ENDOD1: variants seen among roughly 807,000 people sequenced by gnomAD.
ENDOD1 encodes endonuclease domain-containing 1 protein.
In ENDOD1, 9 loss-of-function variants were observed where a neutral mutation model predicts 6.5. The ratio of observed to expected loss-of-function variants is 1.39; its 90% CI spans 0.84 to 2.43. The LOEUF (loss-of-function observed/expected upper bound fraction) is 2.43. Ranked by LOEUF, ENDOD1 falls within the 30% of genes most tolerant of loss-of-function variation. ENDOD1 has a pLI of 0.00. For synonymous variants in ENDOD1, 255 were observed against 255.2 expected, an observed-to-expected ratio of 1.00 and a Z score of 0.01; for missense variants, 648 against 635.5, an observed-to-expected ratio of 1.02 and a Z score of -0.21.
chr11:95,097,123 C>T (rs2134161912), intron 1 of ENDOD1, among the ~76,000 whole-genome samples: 1 of 141,108 alleles, frequency 7.1e-6, no homozygotes, highest in Non-Finnish European at 1.5e-5. Flanking sequence ...CCACTGCACT[C>T]CAGTCTGGGG....
rs1859364105 is a variant in ENDOD1 at position 95,130,863 on chromosome 11, C to T, written c.*1284C>T. The T allele has an allele frequency of 1.3e-5, 2 of 152,208 alleles. No homozygotes were observed. Among genetic ancestry groups the T allele is most frequent in the Non-Finnish European group, 2.9e-5 (2 of 68,028 alleles). 9.4% of individuals were successfully genotyped at this position (152,208 alleles called of 1,614,324 possible). ...AAAAATGGTAACAAGAGGGACCAAA[C>T]TTTGCTTCCCACAATTGGGATGGAA... On this transcript the variant is annotated 3_prime_UTR_variant, in exon 2 of 2. Transcript: ENST00000278505.
chr11:95,092,654 C>T (rs1555109983), intron 1 of ENDOD1, among the ~76,000 whole-genome samples: 2 of 152,066 alleles, frequency 1.3e-5, no homozygotes, highest in South Asian at 2.1e-4. Flanking sequence ...CACATCCACC[C>T]GCTCGACCTC....
At chr11:95,113,334 T>C (rs950978574) in intron 1 of ENDOD1, among the ~76,000 whole-genome samples, 2 of 152,166 alleles carry the variant, frequency 1.3e-5, no homozygotes, top group African/African-American at 2.4e-5. Flanking sequence ...CTGGGTCTTA[T>C]TTATTATTCT....
At chr11:95,093,957 T>A (rs1368155776) in intron 1 of ENDOD1, among the ~76,000 whole-genome samples, 1 of 152,158 alleles carries the variant, frequency 6.6e-6, no homozygotes, top group Non-Finnish European at 1.5e-5. Flanking sequence ...TCTGGTTTAG[T>A]GCAGGAAGCC....
At chr11:95,122,072 G>T (rs1032190069) in intron 1 of ENDOD1, among the ~76,000 whole-genome samples, 2 of 152,124 alleles carry the variant, frequency 1.3e-5, no homozygotes, top group Non-Finnish European at 2.9e-5. Flanking sequence ...GAGCAATGTT[G>T]TCAGTAATTT....
At chr11:95,120,975 C>T (rs1017889953) in intron 1 of ENDOD1, among the ~76,000 whole-genome samples, 2 of 152,170 alleles carry the variant, frequency 1.3e-5, no homozygotes, top group African/African-American at 4.8e-5. Flanking sequence ...CAATGCCTCG[C>T]AGTTGCTGTA....
chr11:95,124,853 G>T (rs72979781), intron 1 of ENDOD1, among the ~76,000 whole-genome samples: 1 of 152,132 alleles, frequency 6.6e-6, no homozygotes, highest in African/African-American at 2.4e-5. Context: ...GGAAGACCAC[G>T]CATAGCAGTT....
intron 1 of ENDOD1, among the ~76,000 whole-genome samples, chr11:95,109,995 G>A (rs781980507): frequency 6.6e-6 from 1 of 152,260 alleles, no homozygotes; most frequent in Non-Finnish European, 1.5e-5. Context: ...TGCTGGGGGT[G>A]TAAGTACAAA....
intron 1 of ENDOD1, among the ~76,000 whole-genome samples, chr11:95,093,099 GA>G (rs1441279664): frequency 6.6e-6 from 1 of 152,312 alleles, no homozygotes; most frequent in Non-Finnish European, 1.5e-5. Flanking sequence ...AAAGATCACA[GA>G]AACTTAGTCA....
rs34439162 is a variant in ENDOD1 at position 95,108,494 on chromosome 11, A to AACACACACACACACACACAC, written c.300+18281_300+18300dup. 6.4e-3 allele frequency among the ~76,000 whole-genome samples: 940 copies of AACACACACACACACACACAC among 146,476 alleles called. 7 individuals carry two copies. Among genetic ancestry groups the AACACACACACACACACACAC allele is most frequent in the African/African-American group, 0.02 (769 of 39,176 alleles). On this transcript the variant is annotated intron_variant, in intron 1 of 1. Transcript: ENST00000278505. ...AAAAGCTCTGCATTTCTCTTTTCTA[A>AACACACACACACACACACAC]ACACACACACACACACACACACACA...
chr11:95,097,789 G>A (rs1303600341), intron 1 of ENDOD1, among the ~76,000 whole-genome samples: 3 of 152,180 alleles, frequency 2.0e-5, no homozygotes, highest in African/African-American at 7.2e-5. Context: ...TCTTTGGAGT[G>A]AGAGAAAGGG....
intron 1 of ENDOD1, among the ~76,000 whole-genome samples, chr11:95,112,375 T>C (rs1859159513): frequency 6.6e-6 from 1 of 152,238 alleles, no homozygotes; most frequent in Non-Finnish European, 1.5e-5. Context: ...AAGCCCTGGT[T>C]CTTCCACATG....
chr11:95,130,680 A>T lies in ENDOD1; in HGVS notation c.*1101A>T, dbSNP rs2134177402. ...AGTTATTGTGGCCATCTCTGAAAAA[A>T]ATATATAAAATATTTAAGAATAATT... On this transcript the variant is annotated 3_prime_UTR_variant, in exon 2 of 2. Transcript: ENST00000278505. 6.6e-6 allele frequency: 1 copy of T among 152,326 alleles called. No homozygotes were observed. The highest frequency in any genetic ancestry group is 1.9e-4 in the East Asian group (1 of 5,196). 9.4% of individuals were successfully genotyped at this position (152,326 alleles called of 1,614,324 possible). A position where few individuals can be genotyped will look rare whatever the true frequency, so the allele number is the denominator to read the frequency against.
At chr11:95,111,501 G>A (rs638776) in intron 1 of ENDOD1, among the ~76,000 whole-genome samples, 115,759 of 151,572 alleles carry the variant, frequency 0.76, 45,225 homozygotes, top group East Asian at 0.89. Flanking sequence ...CTCTGAGCTT[G>A]TTTTCCTGCA....
chr11:95,096,275 A>G (rs1297019980), intron 1 of ENDOD1, among the ~76,000 whole-genome samples: 6 of 92,140 alleles, frequency 6.5e-5, no homozygotes, highest in Non-Finnish European at 1.2e-4. Flanking sequence ...TTCAAGATGC[A>G]TGTTATATCT....
In ENDOD1 at chr11:95,128,398, C is replaced by G; in HGVS notation, c.322C>G (p.Leu108Val). 6.2e-7 allele frequency: 1 copy of G among 1,613,652 alleles called. No homozygotes were observed. The highest frequency in any genetic ancestry group is 8.5e-7 in the Non-Finnish European group (1 of 1,179,746). The change falls in exon 2 of 2, where the codon CTT (leucine) becomes GTT (valine). Residue 108 changes from leucine (L) to valine (V), a missense_variant. Leu to Val is a conservative substitution (Grantham distance 32, BLOSUM62 1). Coordinates refer to ENST00000278505, the MANE Select transcript of ENDOD1 (RefSeq NM_015036.3). ...GCAGATCGATGACCCCAACAGCAACCTTGAGGAGGCGATTAATGAGGCAGA... is the reference window on the plus strand; with the variant it reads ...GCAGATCGATGACCCCAACAGCAACGTTGAGGAGGCGATTAATGAGGCAGA... ...EPQIDDPNSN[L>V]EEAINEAEAI... is the part of the protein sequence containing the mutation.
chr11:95,112,630 C>T (rs1859162242), intron 1 of ENDOD1, among the ~76,000 whole-genome samples: 1 of 152,204 alleles, frequency 6.6e-6, no homozygotes. Context: ...AGAAATCTTG[C>T]TAAAGCTTTA....
intron 1 of ENDOD1, among the ~76,000 whole-genome samples, chr11:95,101,927 T>G (rs2134164040): frequency 6.6e-6 from 1 of 151,464 alleles, no homozygotes; most frequent in Middle Eastern, 3.4e-3. Flanking sequence ...TTTTTAATTT[T>G]TCTTTAATTT....
intron 1 of ENDOD1, among the ~76,000 whole-genome samples, chr11:95,100,973 A>G (rs1173499349): frequency 1.3e-5 from 2 of 149,464 alleles, no homozygotes; most frequent in Non-Finnish European, 3.0e-5. Flanking sequence ...ATAAGTTGCA[A>G]TTATACATTC....
Sources: allele counts gnomAD v4.1 joint callset (sites outside exome capture counted in the v4.1 genomes callset), GRCh38; gene constraint gnomAD v4.1.1; transcripts MANE v1.5; gene names NCBI Gene and HGNC (gene_info 2026-07-23, HGNC 2026-07-21).